TBL1XR1: variants seen among roughly 807,000 people sequenced by gnomAD.
TBL1XR1 encodes F-box-like/WD repeat-containing protein TBL1XR1.
Under a neutral mutation model 66.9 loss-of-function variants are expected in TBL1XR1, and 5 were observed. The ratio of observed to expected loss-of-function variants is 0.07; its 90% confidence interval spans 0.04 to 0.16. The LOEUF is 0.16. Ranked by LOEUF, TBL1XR1 falls within the 10% of genes least tolerant of loss-of-function variation. The pLI is 1.00. For missense variants in TBL1XR1, 238 were observed against 623.2 expected (o/e 0.38, Z 6.58); for synonymous variants, 210 against 206.0 (o/e 1.02, Z -0.17).
At chr3:177,189,649 C>CAAAAAAAAA (rs761647251) in intron 1 of TBL1XR1, among the ~76,000 whole-genome samples, 47 of 45,194 alleles carry the variant, frequency 1.0e-3, no homozygotes, top group African/African-American at 3.6e-3. Flanking sequence ...GACTCCATCT[C>CAAAAAAAAA]AAAAAAAAAA....
intron 1 of TBL1XR1, among the ~76,000 whole-genome samples, chr3:177,105,521 T>C (rs1268731751): frequency 6.6e-6 from 1 of 152,232 alleles, no homozygotes; most frequent in Non-Finnish European, 1.5e-5. Flanking sequence ...TCACTCTTCC[T>C]AAGGTTTGAA....
intron 13 of TBL1XR1, among the ~76,000 whole-genome samples, chr3:177,033,865 G>T (rs1010145195): frequency 6.6e-5 from 10 of 152,064 alleles, no homozygotes; most frequent in African/African-American, 2.4e-4. Flanking sequence ...CTTGTAAGTG[G>T]GAGCTAAGCT....
intron 1 of TBL1XR1, among the ~76,000 whole-genome samples, chr3:177,152,045 A>G (rs888673063): frequency 1.1e-4 from 16 of 152,106 alleles, no homozygotes; most frequent in African/African-American, 3.9e-4. Context: ...AAATACTACT[A>G]CTGAATACAA....
chr3:177,092,270 A>C (rs2108646430), intron 2 of TBL1XR1, among the ~76,000 whole-genome samples: 1 of 152,258 alleles, frequency 6.6e-6, no homozygotes, highest in South Asian at 2.1e-4. Context: ...CAACCTCCCA[A>C]AATAATAAAG....
chr3:177,026,201 C>T (rs575990170), intron 15 of TBL1XR1, among the ~76,000 whole-genome samples, 172 bp downstream of exon 15: 75 of 151,710 alleles, frequency 4.9e-4, no homozygotes, highest in Middle Eastern at 6.8e-3. Context: ...ATTTTGTTTA[C>T]ATTATTTGAA....
chr3:177,036,412 T>C (rs1486720078), intron 12 of TBL1XR1, among the ~76,000 whole-genome samples: 2 of 152,224 alleles, frequency 1.3e-5, no homozygotes, highest in Non-Finnish European at 2.9e-5. Context: ...TTACACATTA[T>C]CCATCCATCC....
At position 177,021,252 on chromosome 3, in the gene TBL1XR1, C is replaced by T. The variant is rs1712313677; in HGVS notation, c.*4246G>A. 6.6e-6 allele frequency: 1 copy of T among 152,262 alleles called. No individual in the cohort carries two copies. Among genetic ancestry groups the T allele is most frequent in the Non-Finnish European group, 1.5e-5 (1 of 67,962 alleles). The allele number at this position is 152,262 out of a possible 1,614,324, so 9.4% of individuals were successfully genotyped here. A position where few individuals can be genotyped will look rare whatever the true frequency, so the allele number is the denominator to read the frequency against. On this transcript the variant is annotated 3_prime_UTR_variant, in exon 16 of 16. Transcript: ENST00000457928. ...TTCAAGGATTACAGAGCTACAAATG[C>T]AGTCTGTGTGTTTTTGTTTGTAATG... is the stretch of plus-strand genomic sequence containing the variant.
intron 12 of TBL1XR1, 129 bp from the exon 13 acceptor site, chr3:177,034,454 A>C (rs1324818225): frequency 8.9e-6 from 5 of 558,794 alleles, no homozygotes; most frequent in African/African-American, 2.0e-5. Flanking sequence ...ATGATGATAG[A>C]ATATTTACAA....
rs566513724 is a variant in TBL1XR1, at chr3:177,155,337, A to G, written c.-122+41784T>C. Reference sequence around the variant, plus strand: ...CTGATCAAGATTTGTATTGTGAATTATGAAAAATAAAAAAACATAGCCACA... The same window carrying G: ...CTGATCAAGATTTGTATTGTGAATTGTGAAAAATAAAAAAACATAGCCACA... On this transcript the variant is annotated intron_variant, in intron 1 of 15. Transcript: ENST00000457928. Among the ~76,000 whole-genome samples the G allele has an allele frequency of 2.0e-4, 30 of 152,332 alleles. No individual in the cohort carries two copies. The South Asian group carries it at 5.8e-3, about 29-fold the overall frequency.
At chr3:177,126,242 T>G (rs1366394889) in intron 1 of TBL1XR1, 1 of 152,158 alleles carries the variant, frequency 6.6e-6, no homozygotes, top group Non-Finnish European at 1.5e-5. Context: ...AGATATGGGA[T>G]TCAGCCAAGA....
intron 1 of TBL1XR1, among the ~76,000 whole-genome samples, chr3:177,112,967 C>T (rs1261382964): frequency 2.6e-5 from 4 of 151,682 alleles, no homozygotes; most frequent in East Asian, 1.9e-4. Flanking sequence ...GAGCAGAGAT[C>T]GTGGCACTGC....
chr3:177,021,699 G>A lies in TBL1XR1; in HGVS notation c.*3799C>T, dbSNP rs1712393496. 1 of 152,488 alleles carries A rather than the reference G, an allele frequency of 6.6e-6. No individual in the cohort carries two copies. Among genetic ancestry groups the A allele is most frequent in the African/African-American group, 2.4e-5 (1 of 41,418 alleles). 9.4% of individuals were successfully genotyped at this position (152,488 alleles called of 1,614,324 possible). ...GAAAACAAAACGAAAAACCAACCAGGGTCTCTTGTAGATTTGCTGCTATTC... is the reference window on the plus strand; with the variant it reads ...GAAAACAAAACGAAAAACCAACCAGAGTCTCTTGTAGATTTGCTGCTATTC... On this transcript the variant is annotated 3_prime_UTR_variant, in exon 16 of 16. Transcript: ENST00000457928.
At chr3:177,039,196 C>T (rs1039970168) in intron 10 of TBL1XR1, among the ~76,000 whole-genome samples, 9 of 151,854 alleles carry the variant, frequency 5.9e-5, no homozygotes, top group South Asian at 2.1e-4. Flanking sequence ...GCAAATATTC[C>T]GAAATCAGAA....
Position 177,151,176 on chromosome 3 carries a change from A to G in TBL1XR1, c.-122+45945T>C, listed in dbSNP as rs919983202. On this transcript the variant is annotated intron_variant, in intron 1 of 15. Coordinates refer to ENST00000457928, the MANE Select transcript of TBL1XR1 (RefSeq NM_024665.7). ...GTGGTATATAAAAGCAAAGCTGGGA[A>G]GAAAGCCAAATCTGTGACTGAGAGC... Among the ~76,000 whole-genome samples, 8 of 152,360 alleles carry G rather than the reference A, an allele frequency of 5.3e-5. 1 individual carries two copies. The Middle Eastern group carries it at 0.017, about 324-fold the overall frequency.
At chr3:177,044,389 A>T (rs182634922) in intron 10 of TBL1XR1, among the ~76,000 whole-genome samples, 21 of 152,276 alleles carry the variant, frequency 1.4e-4, no homozygotes, top group Non-Finnish European at 2.8e-4. Context: ...TACTGATAAC[A>T]GTTGAATAAG....
chr3:177,063,101 A>G (rs562603498), intron 3 of TBL1XR1, among the ~76,000 whole-genome samples: 1 of 152,166 alleles, frequency 6.6e-6, no homozygotes, highest in South Asian at 2.1e-4. Flanking sequence ...GAGCAACAAG[A>G]GCAAAACTCC....
chr3:177,096,054 G>GT (rs764805035), intron 2 of TBL1XR1, among the ~76,000 whole-genome samples: 1 of 152,122 alleles, frequency 6.6e-6, no homozygotes, highest in Non-Finnish European at 1.5e-5. Context: ...TTGAGGGTAG[G>GT]TAGGGAGGTA....
intron 1 of TBL1XR1, chr3:177,099,370 C>T (rs557198044): frequency 6.6e-6 from 1 of 152,380 alleles, no homozygotes; most frequent in Admixed American, 6.6e-5. Flanking sequence ...TTTGTCTCAA[C>T]AACAACAACA....
intron 3 of TBL1XR1, among the ~76,000 whole-genome samples, chr3:177,061,821 AAAC>A (rs1718549923): frequency 6.6e-6 from 1 of 152,224 alleles, no homozygotes; most frequent in Non-Finnish European, 1.5e-5. Flanking sequence ...TGAATCCCCA[AAAC>A]AACCCAGACA....
Sources: gnomAD v4.1 joint callset for allele counts (sites outside exome capture counted in the v4.1 genomes callset) on GRCh38, gnomAD v4.1.1 for gene constraint, MANE v1.5 for transcripts, NCBI Gene and HGNC (gene_info 2026-07-23, HGNC 2026-07-21) for gene names.